SYN3: variants seen among roughly 807,000 people sequenced by gnomAD.
The protein encoded by SYN3 is synapsin-3.
A neutral mutation model predicts 65.8 loss-of-function variants in SYN3; 35 were observed. The ratio of observed to expected loss-of-function variants is 0.53; its 90% CI spans 0.41 to 0.70. The LOEUF is 0.70. SYN3 is among the 30% of genes least tolerant of loss of function. The pLI is 0.00. For synonymous variants in SYN3, 270 were observed against 292.9 expected (o/e 0.92, Z 0.80); for missense variants, 680 against 749.0 (o/e 0.91, Z 1.08).
At chr22:32,961,144 CTGGCCT>C (rs2051637284) in intron 3 of SYN3, among the ~76,000 whole-genome samples, 2 of 152,156 alleles carry the variant, frequency 1.3e-5, no homozygotes, top group African/African-American at 4.8e-5. Context: ...AGCAACATAC[CTGGCCT>C]CTGCCCACAG....
intron 6 of SYN3, among the ~76,000 whole-genome samples, chr22:32,675,350 AC>A (rs2060425266): frequency 6.6e-6 from 1 of 152,130 alleles, no homozygotes; most frequent in Non-Finnish European, 1.5e-5. Flanking sequence ...TTTCAAAACC[AC>A]CACCAAATCT....
At chr22:32,713,672 T>C (rs2060996416) in intron 6 of SYN3, among the ~76,000 whole-genome samples, 2 of 151,590 alleles carry the variant, frequency 1.3e-5, no homozygotes. Context: ...CTACTAAAAA[T>C]ACAAAAAAAT....
chr22:32,681,945 A>G (rs2060527604), intron 6 of SYN3, among the ~76,000 whole-genome samples: 1 of 152,216 alleles, frequency 6.6e-6, no homozygotes, highest in Non-Finnish European at 1.5e-5. Context: ...AGCTGTCACG[A>G]AGCCACATTA....
chr22:32,827,103 G>A (rs776539473), intron 6 of SYN3, among the ~76,000 whole-genome samples: 4 of 152,196 alleles, frequency 2.6e-5, no homozygotes, highest in Admixed American at 6.5e-5. Flanking sequence ...AAAAATCCCC[G>A]AGTGAATAAA....
intron 7 of SYN3, among the ~76,000 whole-genome samples, chr22:32,568,939 T>C (rs1324610628): frequency 1.3e-5 from 2 of 152,162 alleles, no homozygotes; most frequent in Admixed American, 6.5e-5. Context: ...AGAATTCCAT[T>C]TGATGGGTGT....
intron 7 of SYN3, among the ~76,000 whole-genome samples, chr22:32,586,952 G>T (rs1267048564): frequency 2.0e-5 from 3 of 152,118 alleles, no homozygotes; most frequent in Non-Finnish European, 2.9e-5. Flanking sequence ...CGCCGGGAGC[G>T]GTGGCTCACG....
chr22:32,967,984 T>C, intron 3 of SYN3, among the ~76,000 whole-genome samples: 1 of 152,168 alleles, frequency 6.6e-6, no homozygotes, highest in Middle Eastern at 3.2e-3. Context: ...GATGAAGGAA[T>C]CACAAGGCTG....
chr22:32,527,011 C>G (rs528981190), intron 12 of SYN3, among the ~76,000 whole-genome samples: 1 of 152,250 alleles, frequency 6.6e-6, no homozygotes, highest in East Asian at 1.9e-4. Context: ...AGCTGATATT[C>G]TTTGAGAAAG....
intron 1 of SYN3, among the ~76,000 whole-genome samples, chr22:33,027,625 C>A (rs1272311607): frequency 1.1e-5 from 1 of 93,174 alleles, no homozygotes; most frequent in African/African-American, 4.5e-5. Context: ...GAAGGAAAGA[C>A]AGACAGACAG....
At chr22:32,926,520 T>C (rs1174724296) in intron 4 of SYN3, among the ~76,000 whole-genome samples, 1 of 152,214 alleles carries the variant, frequency 6.6e-6, no homozygotes, top group Non-Finnish European at 1.5e-5. Flanking sequence ...CTAGTAATGC[T>C]TTTCACCTTC....
Position 32,767,954 on chromosome 22 carries a change from C to T in SYN3, c.711+96961G>A, listed in dbSNP as rs528233448. Reference sequence around the variant, plus strand: ...TCAACATCTTCCCCTGGATGTCTAACACGCATTTCTAGTTTAACATGTCAC... The same window carrying T: ...TCAACATCTTCCCCTGGATGTCTAATACGCATTTCTAGTTTAACATGTCAC... On this transcript the variant is annotated intron_variant, in intron 6 of 13. Coordinates refer to ENST00000358763, the MANE Select transcript of SYN3 (RefSeq NM_003490.4). Among the ~76,000 whole-genome samples, 7 of 152,346 alleles carry T rather than the reference C, an allele frequency of 4.6e-5. No homozygotes were observed. The South Asian group carries it at 1.4e-3, about 32-fold the overall frequency.
At chr22:32,799,642 C>A (rs1052178690) in intron 6 of SYN3, among the ~76,000 whole-genome samples, 48 of 152,206 alleles carry the variant, frequency 3.2e-4, no homozygotes, top group African/African-American at 1.2e-3. Flanking sequence ...AAACCTTCCA[C>A]ATGACTGTGG....
chr22:32,945,822 A>G (rs2051090173), intron 3 of SYN3, among the ~76,000 whole-genome samples: 3 of 152,368 alleles, frequency 2.0e-5, no homozygotes, highest in Admixed American at 2.0e-4. Flanking sequence ...CAGAATCTAC[A>G]AAGTACTCAA....
rs1321015781 is a variant in SYN3 at position 32,946,019 on chromosome 22, G to A, written c.370-14538C>T. ...ACCATCTCATACCAGTTAGAATGGC[G>A]ATCATTAAAAAGTCAGGAAACAACA... On this transcript the variant is annotated intron_variant, in intron 3 of 13. Coordinates refer to ENST00000358763, the MANE Select transcript of SYN3 (RefSeq NM_003490.4). Among the ~76,000 whole-genome samples the A allele has an allele frequency of 1.4e-4, 22 of 152,204 alleles. No homozygotes were observed. In the East Asian group the frequency reaches 3.9e-3, roughly 27 times the overall value.
In SYN3 at chr22:32,508,300, G is replaced by A. The variant is rs2057654149; in HGVS notation, c.*5392C>T. 6.6e-6 allele frequency among the ~76,000 whole-genome samples: 1 copy of A among 151,962 alleles called. No individual in the cohort carries two copies. Among genetic ancestry groups the A allele is most frequent in the African/African-American group, 2.4e-5 (1 of 41,358 alleles). On this transcript the variant is annotated 3_prime_UTR_variant, in exon 14 of 14. Transcript: ENST00000358763. ...GAAGCTCCCGCACTGAGCACCTTGT[G>A]ACCCCCGCCCCTGCCCACCAGAGAA... is the stretch of plus-strand genomic sequence containing the variant.
In SYN3 at chr22:33,006,702, G is replaced by A. The variant is rs1332173637; in HGVS notation, c.-40C>T. The A allele has an allele frequency of 1.9e-5, 29 of 1,524,328 alleles. No homozygotes were observed. The highest frequency in any genetic ancestry group is 3.9e-5 in the South Asian group (3 of 77,300). The allele number at this position is 1,524,328 out of a possible 1,614,324, so 94.4% of individuals were successfully genotyped here. A position where few individuals can be genotyped will look rare whatever the true frequency, so the allele number is the denominator to read the frequency against. ...GGAGATGACTGGCTCCTACCCAGAC[G>A]TGTGTAGGTGAGGCCCAGAAGACAG... On this transcript the variant is annotated 5_prime_UTR_variant, in exon 2 of 14. In the 5' UTR this introduces an upstream ATG that the reference lacks. Coordinates refer to ENST00000358763, the MANE Select transcript of SYN3 (RefSeq NM_003490.4).
chr22:32,735,299 T>C (rs926315322), intron 6 of SYN3, among the ~76,000 whole-genome samples: 18 of 152,258 alleles, frequency 1.2e-4, no homozygotes, highest in Middle Eastern at 3.4e-3. Context: ...AAGATGGGGA[T>C]AGTGGTGGCA....
At chr22:32,631,822 C>T (rs533000630) in intron 6 of SYN3, among the ~76,000 whole-genome samples, 10 of 152,242 alleles carry the variant, frequency 6.6e-5, no homozygotes, top group African/African-American at 2.2e-4. Flanking sequence ...CAGCAACAAG[C>T]GGTGATGTAT....
chr22:32,552,766 A>C (rs866811295), intron 7 of SYN3, among the ~76,000 whole-genome samples: 20 of 152,312 alleles, frequency 1.3e-4, no homozygotes, highest in Middle Eastern at 6.8e-3. Context: ...AGCTCCTCCT[A>C]TAGAGGACAC....
Sources: allele counts gnomAD v4.1 joint callset (sites outside exome capture counted in the v4.1 genomes callset), GRCh38; gene constraint gnomAD v4.1.1; transcripts MANE v1.5; gene names NCBI Gene and HGNC (gene_info 2026-07-23, HGNC 2026-07-21).